The following L3MBTL4 variants were observed in gnomAD, a reference collection of about 807,000 sequenced individuals.
L3MBTL4 encodes lethal(3)malignant brain tumor-like protein 4.
In L3MBTL4, 70 loss-of-function variants were observed where a neutral mutation model predicts 84.5. The observed-to-expected ratio is 0.83, with a 90% CI of 0.68 to 1.01. The LOEUF is 1.01. L3MBTL4 is among the 50% of genes least tolerant of loss of function. The pLI is 0.00. For synonymous variants in L3MBTL4, 274 were observed against 259.8 expected (o/e 1.05, Z -0.52); for missense variants, 715 against 754.8 (o/e 0.95, Z 0.62).
chr18:6,265,631 G>A (rs980077753), intron 4 of L3MBTL4, among the ~76,000 whole-genome samples: 23 of 152,026 alleles, frequency 1.5e-4, no homozygotes, highest in African/African-American at 5.6e-4. Flanking sequence ...GACACAAAAC[G>A]GTGTCTATTT....
intron 1 of L3MBTL4, among the ~76,000 whole-genome samples, chr18:6,350,183 C>T (rs767846974): frequency 2.6e-5 from 4 of 152,094 alleles, no homozygotes; most frequent in East Asian, 1.9e-4. Flanking sequence ...AAAACCCTCA[C>T]GGCATTGGAT....
chr18:6,263,920 A>G, intron 5 of L3MBTL4, 27 bp downstream of exon 5: 1 of 1,547,766 alleles, frequency 6.5e-7, no homozygotes, highest in East Asian at 2.2e-5. Flanking sequence ...GCTTCCTTGC[A>G]AAAATATAAG....
intron 14 of L3MBTL4, among the ~76,000 whole-genome samples, chr18:6,126,841 A>G (rs2059711653): frequency 6.6e-6 from 1 of 152,116 alleles, no homozygotes; most frequent in African/African-American, 2.4e-5. Flanking sequence ...AAAATCAGAT[A>G]CTCTTTTTCC....
At chr18:6,016,587 G>T (rs573207536) in intron 16 of L3MBTL4, among the ~76,000 whole-genome samples, 1 of 152,318 alleles carries the variant, frequency 6.6e-6, no homozygotes, top group East Asian at 1.9e-4. Flanking sequence ...ACCGAGTAGT[G>T]TACATTGTAC....
chr18:6,286,475 GTAATAA>G (rs201737991), intron 4 of L3MBTL4, among the ~76,000 whole-genome samples: 30 of 150,226 alleles, frequency 2.0e-4, no homozygotes, highest in African/African-American at 7.0e-4. Flanking sequence ...AATAATAATA[GTAATAA>G]TAATAATAAT....
intron 14 of L3MBTL4, among the ~76,000 whole-genome samples, chr18:6,108,477 A>G (rs1476818610): frequency 6.6e-6 from 1 of 152,166 alleles, no homozygotes; most frequent in Admixed American, 6.5e-5. Flanking sequence ...TAGTTATACA[A>G]TCTATGAAGA....
intron 1 of L3MBTL4, among the ~76,000 whole-genome samples, chr18:6,334,449 T>A (rs2052221244): frequency 6.6e-6 from 1 of 152,108 alleles, no homozygotes; most frequent in African/African-American, 2.4e-5. Context: ...GGTGACAAAG[T>A]TTTTTTAAAA....
intron 14 of L3MBTL4, among the ~76,000 whole-genome samples, chr18:6,110,254 A>T (rs888455996): frequency 1.4e-4 from 21 of 152,140 alleles, no homozygotes; most frequent in African/African-American, 4.6e-4. Context: ...ATTATTTTGG[A>T]AATGTCATCT....
chr18:6,143,648 C>T (rs1034308315), intron 13 of L3MBTL4, among the ~76,000 whole-genome samples: 9 of 152,184 alleles, frequency 5.9e-5, no homozygotes, highest in African/African-American at 2.2e-4. Flanking sequence ...AAGAAATGTC[C>T]TCAGCTCTAA....
intron 16 of L3MBTL4, among the ~76,000 whole-genome samples, chr18:5,983,375 C>T (rs1008890010): frequency 1.3e-5 from 2 of 152,218 alleles, no homozygotes; most frequent in Non-Finnish European, 2.9e-5. Context: ...CGTAGATAAC[C>T]GAATCACTGC....
chr18:6,222,816 T>C (rs1469431335), intron 10 of L3MBTL4, among the ~76,000 whole-genome samples: 3 of 151,884 alleles, frequency 2.0e-5, no homozygotes, highest in African/African-American at 7.2e-5. Flanking sequence ...ACCTTCCTTA[T>C]GCCAACAGAA....
At chr18:6,349,803 C>T (rs549607940) in intron 1 of L3MBTL4, among the ~76,000 whole-genome samples, 29 of 152,252 alleles carry the variant, frequency 1.9e-4, no homozygotes, top group African/African-American at 6.0e-4. Flanking sequence ...GAGTAATCAC[C>T]TGTGGTGGGA....
At chr18:6,195,241 T>C (rs2145575094) in intron 12 of L3MBTL4, among the ~76,000 whole-genome samples, 1 of 152,274 alleles carries the variant, frequency 6.6e-6, no homozygotes, top group South Asian at 2.1e-4. Flanking sequence ...AACCAGGGTC[T>C]GTCCTGGCAA....
At chr18:6,338,219 GAGA>G (rs928704841) in intron 1 of L3MBTL4, among the ~76,000 whole-genome samples, 7 of 151,942 alleles carry the variant, frequency 4.6e-5, no homozygotes, top group Non-Finnish European at 1.0e-4. Context: ...AGCGGAGGAG[GAGA>G]AGGAGGGAAA....
chr18:5,974,375 A>G (rs946291022), intron 16 of L3MBTL4, among the ~76,000 whole-genome samples: 1 of 152,172 alleles, frequency 6.6e-6, no homozygotes, highest in East Asian at 1.9e-4. Flanking sequence ...CAGCACTCAG[A>G]GAGGAGTAAC....
intron 14 of L3MBTL4, among the ~76,000 whole-genome samples, chr18:6,097,915 C>T (rs1271125594): frequency 6.6e-6 from 1 of 152,142 alleles, no homozygotes; most frequent in African/African-American, 2.4e-5. Context: ...TTCCCAGATG[C>T]CACCTGGCCA....
chr18:6,248,183 C>T (rs886112886), intron 5 of L3MBTL4, among the ~76,000 whole-genome samples: 3 of 152,274 alleles, frequency 2.0e-5, no homozygotes, highest in Admixed American at 1.3e-4. Flanking sequence ...AAAGTCGACA[C>T]ATTTACTCAT....
At chr18:6,100,703 A>G (rs2058795803) in intron 14 of L3MBTL4, among the ~76,000 whole-genome samples, 1 of 152,122 alleles carries the variant, frequency 6.6e-6, no homozygotes, top group African/African-American at 2.4e-5. Context: ...CTCCCTAGGC[A>G]CCCCTGGATG....
At chr18:6,301,295 T>C (rs1568459122) in intron 4 of L3MBTL4, among the ~76,000 whole-genome samples, 1 of 152,230 alleles carries the variant, frequency 6.6e-6, no homozygotes, top group African/African-American at 2.4e-5. Flanking sequence ...GACATTCTAC[T>C]ACATTTGATA....
Sources: gnomAD v4.1 joint callset for allele counts (sites outside exome capture counted in the v4.1 genomes callset) on GRCh38, gnomAD v4.1.1 for gene constraint, MANE v1.5 for transcripts, NCBI Gene and HGNC (gene_info 2026-07-23, HGNC 2026-07-21) for gene names.